UHRF2: variants seen among roughly 807,000 people sequenced by gnomAD.
UHRF2 encodes E3 ubiquitin-protein ligase UHRF2.
In UHRF2, 23 loss-of-function variants were observed where a neutral mutation model predicts 96.8. The ratio of observed to expected loss-of-function variants is 0.24; its 90% CI spans 0.17 to 0.34. The LOEUF is 0.34. UHRF2 is among the 10% of genes least tolerant of loss of function. The pLI, the probability that UHRF2 is intolerant of heterozygous loss-of-function variation, is 1.00. For synonymous variants in UHRF2, 385 were observed against 332.6 expected (o/e 1.16, Z -1.72); for missense variants, 685 against 981.5 (o/e 0.70, Z 4.04).
At chr9:6,501,582 A>C (rs1244450053) in intron 14 of UHRF2, among the ~76,000 whole-genome samples, 2 of 152,180 alleles carry the variant, frequency 1.3e-5, no homozygotes, top group African/African-American at 4.8e-5. Context: ...GAAATTTATC[A>C]AATATTTGGA....
At chr9:6,503,261 A>ACTGGGATT (rs1816395746) in intron 14 of UHRF2, among the ~76,000 whole-genome samples, 1 of 152,202 alleles carries the variant, frequency 6.6e-6, no homozygotes, top group Non-Finnish European at 1.5e-5. Context: ...CTCCCAGAGT[A>ACTGGGATT]CTGGGATTAC....
intron 7 of UHRF2, 62 bp downstream of exon 7, chr9:6,481,828 C>A: frequency 6.4e-7 from 1 of 1,568,552 alleles, no homozygotes; most frequent in Non-Finnish European, 8.6e-7. Context: ...GTTTTAATAC[C>A]AATAGTAGTA....
At chr9:6,448,009 A>G (rs984791930) in intron 3 of UHRF2, among the ~76,000 whole-genome samples, 6 of 152,184 alleles carry the variant, frequency 3.9e-5, no homozygotes, top group Admixed American at 6.5e-5. Context: ...GAAAGAAGAC[A>G]TGCTCTCCAG....
At chr9:6,415,917 C>G (rs1306372957) in intron 1 of UHRF2, among the ~76,000 whole-genome samples, 1 of 152,180 alleles carries the variant, frequency 6.6e-6, no homozygotes, top group Non-Finnish European at 1.5e-5. Context: ...ATTCTCAGGA[C>G]CAGCAGCATT....
At chr9:6,503,738 T>A (rs546406437) in intron 14 of UHRF2, among the ~76,000 whole-genome samples, 1 of 152,288 alleles carries the variant, frequency 6.6e-6, no homozygotes, top group East Asian at 1.9e-4. Context: ...TTTGGAATAC[T>A]GTGCAAAACA....
intron 1 of UHRF2, among the ~76,000 whole-genome samples, chr9:6,416,494 G>A (rs1819606369): frequency 6.6e-6 from 1 of 151,204 alleles, no homozygotes; most frequent in Non-Finnish European, 1.5e-5. Flanking sequence ...CGGGGGATTG[G>A]GTCTTTTTAA....
chr9:6,417,114 G>T (rs1819652084), intron 1 of UHRF2, among the ~76,000 whole-genome samples: 1 of 152,026 alleles, frequency 6.6e-6, no homozygotes, highest in African/African-American at 2.4e-5. Context: ...GCCCTTCACT[G>T]GCATCCCTAG....
chr9:6,433,743 A>T (rs780893468), intron 2 of UHRF2, among the ~76,000 whole-genome samples, 171 bp from the exon 3 acceptor site: 1 of 152,268 alleles, frequency 6.6e-6, no homozygotes, highest in East Asian at 1.9e-4. Context: ...TAGATTTAAG[A>T]TAGCACAAAT....
intron 8 of UHRF2, among the ~76,000 whole-genome samples, chr9:6,485,379 A>T (rs956679890): frequency 6.6e-6 from 1 of 152,038 alleles, no homozygotes; most frequent in Non-Finnish European, 1.5e-5. Context: ...AAGCCTCCTT[A>T]TATAGTCTAA....
At chr9:6,497,741 G>C (rs926972578) in intron 11 of UHRF2, among the ~76,000 whole-genome samples, 4 of 152,102 alleles carry the variant, frequency 2.6e-5, no homozygotes, top group African/African-American at 9.7e-5. Flanking sequence ...TGTTTAAAAA[G>C]AGGCATTTGC....
At chr9:6,501,016 A>G (rs574158758) in intron 14 of UHRF2, among the ~76,000 whole-genome samples, 9 of 152,332 alleles carry the variant, frequency 5.9e-5, no homozygotes, top group African/African-American at 1.9e-4. Flanking sequence ...AATCACCACG[A>G]AAGTTTTTGT....
At chr9:6,478,988 C>T (rs1051010657) in intron 6 of UHRF2, among the ~76,000 whole-genome samples, 1 of 152,178 alleles carries the variant, frequency 6.6e-6, no homozygotes, top group African/African-American at 2.4e-5. Context: ...TTCACCTGCT[C>T]TCACAGTTCC....
intron 1 of UHRF2, 76 bp downstream of exon 1, chr9:6,413,719 G>C (rs991355304): frequency 4.4e-6 from 6 of 1,367,062 alleles, no homozygotes; most frequent in Non-Finnish European, 5.7e-6. Flanking sequence ...ACCGGTCCGA[G>C]GGCTCTGTGC....
intron 3 of UHRF2, among the ~76,000 whole-genome samples, chr9:6,451,439 A>G (rs1368799116): frequency 1.3e-5 from 2 of 150,468 alleles, no homozygotes; most frequent in East Asian, 2.0e-4. Context: ...GATTCCTTCT[A>G]TCTTGTTTCT....
At chr9:6,453,142 G>C (rs1821970600) in intron 3 of UHRF2, among the ~76,000 whole-genome samples, 1 of 152,134 alleles carries the variant, frequency 6.6e-6, no homozygotes, top group South Asian at 2.1e-4. Context: ...ATTCTCTCCT[G>C]AGTTTGTACA....
At chr9:6,475,533 T>G (rs758484430) in intron 5 of UHRF2, 33 bp downstream of exon 5, 1 of 1,358,896 alleles carries the variant, frequency 7.4e-7, no homozygotes, top group Non-Finnish European at 1.0e-6. Context: ...TTAGACTACA[T>G]GTGTTGTACA....
At chr9:6,451,585 C>G (rs544101002) in intron 3 of UHRF2, among the ~76,000 whole-genome samples, 1 of 151,754 alleles carries the variant, frequency 6.6e-6, no homozygotes, top group African/African-American at 2.4e-5. Context: ...TCACACCATT[C>G]TCCTGCCTCA....
chr9:6,488,330 C>T (rs1202549129), intron 9 of UHRF2, among the ~76,000 whole-genome samples: 1 of 138,360 alleles, frequency 7.2e-6, no homozygotes, highest in Admixed American at 7.7e-5. Context: ...ATCCTGTGCC[C>T]TCTACCCAGT....
At chr9:6,430,982 C>A (rs576830584) in intron 2 of UHRF2, among the ~76,000 whole-genome samples, 1 of 152,190 alleles carries the variant, frequency 6.6e-6, no homozygotes, top group Non-Finnish European at 1.5e-5. Flanking sequence ...CTTTTGTCTG[C>A]TATTTTGCTA....
Sources: allele counts gnomAD v4.1 joint callset (sites outside exome capture counted in the v4.1 genomes callset), GRCh38; gene constraint gnomAD v4.1.1; transcripts MANE v1.5; gene names NCBI Gene and HGNC (gene_info 2026-07-23, HGNC 2026-07-21).